Variants in OC90 observed in about 807,000 individuals in gnomAD.
The protein encoded by OC90 is otoconin 90.
In OC90, 46 loss-of-function variants were observed where a neutral mutation model predicts 47.3. The observed-to-expected ratio is 0.97, with a 90% confidence interval of 0.77 to 1.24. The LOEUF is 1.24. Ranked by LOEUF, OC90 falls within the 50% of genes most tolerant of loss-of-function variation. OC90 has a pLI of 0.00. For missense variants in OC90, 688 were observed against 583.9 expected (o/e 1.18, Z -1.84); for synonymous variants, 271 against 219.5 (o/e 1.23, Z -2.07).
chr8:132,046,531 C>A (rs1823135851), intron 2 of OC90, among the ~76,000 whole-genome samples: 1 of 152,176 alleles, frequency 6.6e-6, no homozygotes, highest in African/African-American at 2.4e-5. Context: ...AATACAACCA[C>A]CACCTTCAGC....
intron 1 of OC90, among the ~76,000 whole-genome samples, chr8:132,058,400 T>C (rs920552746): frequency 2.0e-5 from 3 of 152,146 alleles, no homozygotes; most frequent in African/African-American, 7.2e-5. Flanking sequence ...CTTGTGGGCC[T>C]GAGAAGGCTC....
chr8:132,031,536 G>T (rs1822873933), intron 12 of OC90, among the ~76,000 whole-genome samples: 1 of 152,160 alleles, frequency 6.6e-6, no homozygotes, highest in Non-Finnish European at 1.5e-5. Flanking sequence ...AGGTGGACTT[G>T]GGGTCATTTG....
chr8:132,053,119 C>T (rs530157120), intron 2 of OC90, among the ~76,000 whole-genome samples: 1 of 152,234 alleles, frequency 6.6e-6, no homozygotes, highest in South Asian at 2.1e-4. Context: ...CTGACTCTCA[C>T]TGACATTTTA....
intron 2 of OC90, among the ~76,000 whole-genome samples, chr8:132,054,321 C>T (rs1445818550): frequency 6.6e-6 from 1 of 152,200 alleles, no homozygotes; most frequent in Non-Finnish European, 1.5e-5. Context: ...ATCTCCTTCA[C>T]ATGCAGAACT....
intron 2 of OC90, among the ~76,000 whole-genome samples, chr8:132,051,610 G>A (rs936917671): frequency 9.9e-5 from 15 of 152,142 alleles, no homozygotes; most frequent in African/African-American, 3.6e-4. Flanking sequence ...TATATCACAG[G>A]ACATTGTGAG....
chr8:132,028,597 AGGAG>A (rs1319705861), intron 13 of OC90, among the ~76,000 whole-genome samples: 98 of 34,236 alleles, frequency 2.9e-3, no homozygotes, highest in African/African-American at 7.8e-3. Context: ...GAAGGAAGGA[AGGAG>A]GGAAGGAGGG....
intron 1 of OC90, among the ~76,000 whole-genome samples, chr8:132,056,308 G>T (rs560891493): frequency 2.0e-5 from 3 of 152,294 alleles, no homozygotes; most frequent in African/African-American, 7.2e-5. Context: ...GGGCCGTGAC[G>T]GGTCATTCTG....
In OC90 at chr8:132,037,440, T is replaced by G; in HGVS notation, c.677A>C (p.Glu226Ala). ...TDTSLTALSGEEAGHDQEGVG... is the reference protein window; with the variant it reads ...TDTSLTALSGAEAGHDQEGVG... Reference sequence around the variant, plus strand: ...CACACTAGCCCCTTCTGGCTCACCTTCTCCTGAAAGGGCTGTCAGGCTGGT... The same window carrying G: ...CACACTAGCCCCTTCTGGCTCACCTGCTCCTGAAAGGGCTGTCAGGCTGGT... The change falls in exon 9 of 14, where the codon GAA becomes GCA. Residue 226 changes from glutamate to alanine, a missense_variant and splice_region_variant. Transcript: ENST00000254627. 1.3e-6 allele frequency: 2 copies of G among 1,582,672 alleles called. No individual in the cohort carries two copies. The highest frequency in any genetic ancestry group is 1.7e-6 in the Non-Finnish European group (2 of 1,162,950).
chr8:132,049,838 G>A (rs368121610), intron 2 of OC90: 1 of 518,538 alleles, frequency 1.9e-6, no homozygotes, highest in Non-Finnish European at 3.9e-6. Context: ...TGGCTGTAAT[G>A]TATCACAGAT....
At chr8:132,043,029 A>T (rs1823076918) in intron 4 of OC90, among the ~76,000 whole-genome samples, 1 of 152,244 alleles carries the variant, frequency 6.6e-6, no homozygotes, top group African/African-American at 2.4e-5. Flanking sequence ...TCTCATCAAC[A>T]GCGGATTGGA....
At chr8:132,032,285 A>G (rs1460698279) in intron 11 of OC90, among the ~76,000 whole-genome samples, 3 of 152,158 alleles carry the variant, frequency 2.0e-5, no homozygotes, top group East Asian at 3.9e-4. Flanking sequence ...CTAATGCTCT[A>G]TAAGACTCCT....
At chr8:132,027,468 G>C (rs548863421) in intron 13 of OC90, among the ~76,000 whole-genome samples, 1 of 152,314 alleles carries the variant, frequency 6.6e-6, no homozygotes, top group Admixed American at 6.5e-5. Flanking sequence ...GGGATGGAAG[G>C]TCCAGCCAGT....
chr8:132,033,780 G>A (rs1822911976), intron 10 of OC90, among the ~76,000 whole-genome samples: 1 of 152,052 alleles, frequency 6.6e-6, no homozygotes, highest in African/African-American at 2.4e-5. Context: ...CCTCTTAGCT[G>A]GAGGCAGCAA....
chr8:132,028,546 GAAAGAAAGAAAGAAAGA>G (rs1563727282), intron 13 of OC90, among the ~76,000 whole-genome samples: 365 of 20,246 alleles, frequency 0.018, 10 homozygotes, highest in African/African-American at 0.039. Context: ...AAGAAAGAAA[GAAAGAAAGAAAGAAAGA>G]AAGGAAGGAA....
intron 4 of OC90, among the ~76,000 whole-genome samples, chr8:132,043,720 T>C (rs982337330): frequency 6.6e-6 from 1 of 152,228 alleles, no homozygotes; most frequent in African/African-American, 2.4e-5. Flanking sequence ...CAGAATTCTA[T>C]GCTGATTGAA....
rs79770796 is a variant in OC90, at chr8:132,041,754, C to T, written c.170-55G>A. ...GCACTGGGAACTAGGACTAGGAGGG[C>T]GTCCCTGTCCCCTGGACTTCCTATA... On this transcript the variant is annotated intron_variant, in intron 4 of 13. Coordinates refer to ENST00000254627, the MANE Select transcript of OC90 (RefSeq NM_001080399.3). The T allele has an allele frequency of 5.3e-3, 5,879 of 1,107,702 alleles. 24 individuals carry two copies. Among genetic ancestry groups the T allele is most frequent in the Non-Finnish European group, 6.4e-3 (4,774 of 750,866 alleles). 68.6% of individuals were successfully genotyped at this position (1,107,702 alleles called of 1,614,324 possible).
chr8:132,028,724 G>GAAAGAAAGAAAGAA (rs564164299), intron 13 of OC90, among the ~76,000 whole-genome samples: 1 of 128,864 alleles, frequency 7.8e-6, no homozygotes, highest in African/African-American at 3.0e-5. Flanking sequence ...AAGAAAGAAA[G>GAAAGAAAGAAAGAA]AGAAAGAAAG....
intron 13 of OC90, among the ~76,000 whole-genome samples, chr8:132,028,684 A>G (rs200244131): frequency 0.016 from 909 of 56,234 alleles, 16 homozygotes; most frequent in African/African-American, 0.06. Context: ...GAAAGAAAGA[A>G]AGAGAAAGAA....
chr8:132,038,918 T>C, intron 7 of OC90, 77 bp downstream of exon 7: 2 of 1,608,636 alleles, frequency 1.2e-6, no homozygotes, highest in Non-Finnish European at 1.7e-6. Context: ...TCTAGAGACA[T>C]GAAGCAATAA....
Sources: gnomAD v4.1 joint callset for allele counts (sites outside exome capture counted in the v4.1 genomes callset) on GRCh38, gnomAD v4.1.1 for gene constraint, MANE v1.5 for transcripts, NCBI Gene and HGNC (gene_info 2026-07-23, HGNC 2026-07-21) for gene names.